Variants in KCNH7 observed in about 807,000 individuals in gnomAD.
KCNH7 encodes voltage-gated inwardly rectifying potassium channel KCNH7.
In KCNH7, 49 loss-of-function variants were observed where a neutral mutation model predicts 120.8. The observed-to-expected ratio is 0.41, with a 90% CI of 0.32 to 0.51. The LOEUF (loss-of-function observed/expected upper bound fraction) is 0.51. Ranked by LOEUF, KCNH7 falls within the 20% of genes least tolerant of loss-of-function variation. The pLI, the probability that KCNH7 is intolerant of heterozygous loss-of-function variation, is 0.38. For missense variants in KCNH7, 1,097 were observed against 1,446.6 expected (o/e 0.76, Z 3.92); for synonymous variants, 547 against 516.1 (o/e 1.06, Z -0.81).
chr2:162,390,730 T>C (rs1335769557), intron 12 of KCNH7, among the ~76,000 whole-genome samples: 3 of 151,808 alleles, frequency 2.0e-5, no homozygotes, highest in African/African-American at 7.3e-5. Flanking sequence ...CCTTTAAAAA[T>C]ACAAGGTGCT....
At chr2:162,448,768 C>T (rs771974153) in intron 6 of KCNH7, among the ~76,000 whole-genome samples, 168 of 152,128 alleles carry the variant, frequency 1.1e-3, no homozygotes, top group South Asian at 2.5e-3. Context: ...ATTCAGATGA[C>T]CACTGTGCTA....
intron 2 of KCNH7, among the ~76,000 whole-genome samples, chr2:162,758,639 G>T (rs1688869683): frequency 1.3e-5 from 2 of 151,904 alleles, no homozygotes; most frequent in Admixed American, 6.6e-5. Flanking sequence ...ACCCATAGTT[G>T]TATTGTTTTT....
intron 6 of KCNH7, among the ~76,000 whole-genome samples, chr2:162,455,622 A>T (rs1207361770): frequency 6.6e-6 from 1 of 152,112 alleles, no homozygotes; most frequent in East Asian, 1.9e-4. Flanking sequence ...AGAACTTGTT[A>T]TCAGTTTATT....
At chr2:162,444,783 A>G (rs1003636498) in intron 7 of KCNH7, among the ~76,000 whole-genome samples, 1 of 152,174 alleles carries the variant, frequency 6.6e-6, no homozygotes, top group Non-Finnish European at 1.5e-5. Flanking sequence ...ATATTAATAA[A>G]GAAATATTTC....
intron 2 of KCNH7, among the ~76,000 whole-genome samples, chr2:162,721,443 A>T (rs1463584007): frequency 6.6e-6 from 1 of 152,152 alleles, no homozygotes; most frequent in African/African-American, 2.4e-5. Context: ...GAAAGATACT[A>T]AAAGATGCAG....
In KCNH7 at chr2:162,482,280, G is replaced by A. The variant is rs190321798; in HGVS notation, c.1128+22163C>T. Among the ~76,000 whole-genome samples the A allele has an allele frequency of 3.9e-5, 6 of 152,300 alleles. No individual in the cohort carries two copies. In the East Asian group the frequency reaches 9.7e-4, roughly 25 times the overall value. ...GGAATTGCTGCAAGCAAATTTCCAAGGCTTGTTATGAGTAGGACAAGGGGA... is the reference window on the plus strand; with the variant it reads ...GGAATTGCTGCAAGCAAATTTCCAAAGCTTGTTATGAGTAGGACAAGGGGA... On this transcript the variant is annotated intron_variant, in intron 6 of 15. Coordinates refer to ENST00000332142, the MANE Select transcript of KCNH7 (RefSeq NM_033272.4).
intron 2 of KCNH7, among the ~76,000 whole-genome samples, chr2:162,679,749 G>A (rs551272108): frequency 6.6e-6 from 1 of 151,416 alleles, no homozygotes; most frequent in African/African-American, 2.4e-5. Flanking sequence ...AACAAGGCAG[G>A]GTTCAGCTTT....
chr2:162,384,760 C>T lies in KCNH7; in HGVS notation c.2890G>A (p.Gly964Arg). 1 of 1,612,806 alleles carries T rather than the reference C, an allele frequency of 6.2e-7. No homozygotes were observed. Among genetic ancestry groups the T allele is most frequent in the Non-Finnish European group, 8.5e-7 (1 of 1,179,104 alleles). ...GGCACTGTTTCTTCAAAATCGAGCC[C>T]AGATGCTTTCCCTATTCCTGGAGAA... ...DSSPGIGKAS[G>R]LDFEETVPTS... The change falls in exon 13 of 16, where the codon GGG becomes AGG. Residue 964 changes from glycine (G) to arginine (R), a missense_variant. This residue lies in a region of KCNH7 where 406 missense variants were observed against 410.5 expected (regional missense o/e 0.99). Coordinates refer to ENST00000332142, the MANE Select transcript of KCNH7 (RefSeq NM_033272.4).
chr2:162,474,736 G>A (rs1265251658), intron 6 of KCNH7, among the ~76,000 whole-genome samples: 1 of 152,170 alleles, frequency 6.6e-6, no homozygotes, highest in African/African-American at 2.4e-5. Flanking sequence ...CTTGCTGGAA[G>A]GCTCACATAA....
chr2:162,468,084 T>G (rs1689368068), intron 6 of KCNH7, among the ~76,000 whole-genome samples: 1 of 152,150 alleles, frequency 6.6e-6, no homozygotes, highest in Non-Finnish European at 1.5e-5. Flanking sequence ...GTCAGAGTGT[T>G]CAGGTTTTTT....
At chr2:162,829,582 GAC>G (rs906678772) in intron 2 of KCNH7, among the ~76,000 whole-genome samples, 20 of 152,082 alleles carry the variant, frequency 1.3e-4, no homozygotes, top group Admixed American at 1.2e-3. Flanking sequence ...GCAAGTGAGT[GAC>G]ACTTAGGTAA....
In KCNH7 at chr2:162,508,326, G is replaced by GT. The variant is rs201688020; in HGVS notation, c.914-3670dup. Among the ~76,000 whole-genome samples, 1,108 of 139,258 alleles carry GT rather than the reference G, an allele frequency of 8.0e-3. 27 individuals carry two copies. In the East Asian group the frequency reaches 0.1, roughly 13 times the overall value. The allele number at this position is 139,258 out of a possible 152,430, so 91.4% of individuals were successfully genotyped here. On this transcript the variant is annotated intron_variant, in intron 5 of 15. Coordinates refer to ENST00000332142, the MANE Select transcript of KCNH7 (RefSeq NM_033272.4). Reference sequence around the variant, plus strand: ...CTTCTAAACTCTTATTCTATTCTGGGTTTTTTTTTTTGGCTCTTAGTCTTA... The same window carrying GT: ...CTTCTAAACTCTTATTCTATTCTGGGTTTTTTTTTTTTGGCTCTTAGTCTTA...
At chr2:162,666,361 C>T (rs1483833064) in intron 2 of KCNH7, among the ~76,000 whole-genome samples, 1 of 148,986 alleles carries the variant, frequency 6.7e-6, no homozygotes, top group African/African-American at 2.5e-5. Context: ...TAAATTCTGC[C>T]CCCCGCCCCT....
intron 2 of KCNH7, among the ~76,000 whole-genome samples, chr2:162,786,050 G>A (rs1683688781): frequency 6.6e-6 from 1 of 151,966 alleles, no homozygotes. Flanking sequence ...AGACCAGCCT[G>A]ACCAACATTG....
At chr2:162,784,905 A>G (rs1683641802) in intron 2 of KCNH7, 1 of 152,230 alleles carries the variant, frequency 6.6e-6, no homozygotes, top group Non-Finnish European at 1.5e-5. Context: ...AGCCACAATA[A>G]TATTTTAGAA....
At chr2:162,500,648 T>A (rs1298970566) in intron 6 of KCNH7, among the ~76,000 whole-genome samples, 1 of 152,002 alleles carries the variant, frequency 6.6e-6, no homozygotes, top group African/African-American at 2.4e-5. Flanking sequence ...TGTAGAGTGT[T>A]TAAAATTTAT....
At chr2:162,716,373 T>C (rs944182655) in intron 2 of KCNH7, among the ~76,000 whole-genome samples, 1 of 152,154 alleles carries the variant, frequency 6.6e-6, no homozygotes, top group African/African-American at 2.4e-5. Flanking sequence ...AAAAAGGCAC[T>C]GAATTAGGTT....
chr2:162,511,591 G>C (rs1558986371), intron 5 of KCNH7, among the ~76,000 whole-genome samples: 1 of 151,452 alleles, frequency 6.6e-6, no homozygotes, highest in South Asian at 2.1e-4. Flanking sequence ...ATTGGGGTGG[G>C]TTTGGGGGGA....
chr2:162,375,425 G>GA (rs1174697730), intron 14 of KCNH7, among the ~76,000 whole-genome samples: 2 of 152,134 alleles, frequency 1.3e-5, no homozygotes, highest in Non-Finnish European at 2.9e-5. Context: ...TGTCTATGAG[G>GA]AAAAAATCTA....
Sources: allele counts gnomAD v4.1 joint callset (sites outside exome capture counted in the v4.1 genomes callset), GRCh38; gene constraint gnomAD v4.1.1; regional missense constraint gnomAD v4.1.1; transcripts MANE v1.5; gene names NCBI Gene and HGNC (gene_info 2026-07-23, HGNC 2026-07-21).